WHAMM: variants seen among roughly 807,000 people sequenced by gnomAD.
The protein encoded by WHAMM is WASP homolog associated with actin, golgi membranes and microtubules, also known as WASP homolog-associated protein with actin, membranes and microtubules.
A neutral mutation model predicts 76.5 loss-of-function variants in WHAMM; 67 were observed. That is an observed-to-expected ratio of 0.88 (90% CI 0.72 to 1.07). WHAMM has a LOEUF of 1.07. Ranked by LOEUF, WHAMM falls within the 50% of genes least tolerant of loss-of-function variation. WHAMM has a pLI of 0.00. For synonymous variants in WHAMM, 419 were observed against 422.1 expected (o/e 0.99, Z 0.09); for missense variants, 1,021 against 1,051.1 (o/e 0.97, Z 0.40).
Position 82,813,227 on chromosome 15 carries a change from C to T in WHAMM, c.734C>T (p.Pro245Leu), listed in dbSNP as rs2050659596. Residue 245 changes from proline to leucine, a missense_variant, in exon 2 of 10, where the codon CCA (proline) becomes CTA (leucine). Physicochemically the swap from Pro to Leu is moderately conservative, Grantham distance 98 (BLOSUM62 -3). Around this residue, in one of 3 missense-constraint regions of WHAMM, gnomAD observed 501 missense variants for 524.9 expected, o/e 0.95. Transcript: ENST00000286760. ...ATGTTCTTCCAGTACTTATTGCAGCCATTTAGGGCTATGCGAGAAGTTGCA... is the reference window on the plus strand; with the variant it reads ...ATGTTCTTCCAGTACTTATTGCAGCTATTTAGGGCTATGCGAGAAGTTGCA... ...ATMFFQYLLQ[P>L]FRAMREVATL... 1 of 1,601,552 alleles carries T rather than the reference C, an allele frequency of 6.2e-7. No individual in the cohort carries two copies. Among genetic ancestry groups the T allele is most frequent in the Non-Finnish European group, 8.5e-7 (1 of 1,175,862 alleles).
Position 82,821,587 on chromosome 15 carries a change from G to T in WHAMM, c.1271-1513G>T, listed in dbSNP as rs111966748. 1.2e-3 allele frequency among the ~76,000 whole-genome samples: 187 copies of T among 152,276 alleles called. 2 individuals are homozygous for T. The highest frequency in any genetic ancestry group is 1.2e-3 in the Non-Finnish European group (80 of 68,026). On this transcript the variant is annotated intron_variant, in intron 5 of 9. Coordinates refer to ENST00000286760, the MANE Select transcript of WHAMM (RefSeq NM_001080435.3). ...CATTGGTTTGTGAGTGGCTTCTGCT[G>T]CTGGCTCCATACCGTTCCCATGACT...
intron 5 of WHAMM, among the ~76,000 whole-genome samples, chr15:82,822,586 C>T (rs1036724776): frequency 5.3e-5 from 8 of 152,126 alleles, no homozygotes; most frequent in Non-Finnish European, 8.8e-5. Context: ...TATAGGCATG[C>T]GCCACTGTGC....
At chr15:82,819,612 T>C (rs938810465) in intron 5 of WHAMM, 124 bp downstream of exon 5, 1 of 497,130 alleles carries the variant, frequency 2.0e-6, no homozygotes, top group African/African-American at 2.1e-5. Context: ...CCTTCAGTGG[T>C]TTATTATTCA....
Position 82,834,357 on chromosome 15 carries a change from C to T in WHAMM, c.*821C>T, listed in dbSNP as rs1198563417. On this transcript the variant is annotated 3_prime_UTR_variant, in exon 10 of 10. Coordinates refer to ENST00000286760, the MANE Select transcript of WHAMM (RefSeq NM_001080435.3). ...GGCTGATGCTGGAGCTTTTATGTGA[C>T]ATGGTGACTCTTAAAACTGGGGAGG... is the stretch of plus-strand genomic sequence containing the variant. The T allele has an allele frequency of 6.6e-6, 1 of 152,344 alleles. No homozygotes were observed. Among genetic ancestry groups the T allele is most frequent in the Non-Finnish European group, 1.5e-5 (1 of 68,148 alleles). 9.4% of individuals were successfully genotyped at this position (152,344 alleles called of 1,614,324 possible). A position where few individuals can be genotyped will look rare whatever the true frequency, so the allele number is the denominator to read the frequency against.
chr15:82,817,480 T>G, intron 3 of WHAMM, among the ~76,000 whole-genome samples: 1 of 152,214 alleles, frequency 6.6e-6, no homozygotes, highest in Non-Finnish European at 1.5e-5. Flanking sequence ...TTATGGTACC[T>G]TCATAAAACA....
At chr15:82,828,125 A>T (rs995963774) in intron 8 of WHAMM, among the ~76,000 whole-genome samples, 1 of 152,194 alleles carries the variant, frequency 6.6e-6, no homozygotes, top group African/African-American at 2.4e-5. Flanking sequence ...TGCCTTCTGT[A>T]TACCAGGCAC....
chr15:82,830,860 G>T lies in WHAMM; in HGVS notation c.1903G>T (p.Glu635Ter), dbSNP rs373866868. Reference protein sequence around the residue: ...GDQTHSKSSEELSLPPPPPPP... With the variant: ...GDQTHSKSSE The stretch of plus-strand genomic sequence containing the variant: ...TCAAACACATTCCAAATCCAGTGAG[G>T]AATTGTCACTGCCACCACCTCCTCC... Residue 635 changes from glutamate to a stop codon, truncating the protein, a stop_gained, in exon 9 of 10, where the codon GAA becomes TAA. Transcript: ENST00000286760. LOFTEE classifies it high-confidence loss of function. The T allele has an allele frequency of 1.6e-4, 250 of 1,584,988 alleles. No homozygotes were observed. The highest frequency in any genetic ancestry group is 2.1e-4 in the Non-Finnish European group (249 of 1,165,086).
chr15:82,814,287 A>G (rs1476482089), intron 2 of WHAMM, among the ~76,000 whole-genome samples: 1 of 152,204 alleles, frequency 6.6e-6, no homozygotes, highest in Non-Finnish European at 1.5e-5. Context: ...GCACCGGGCC[A>G]TCTTTCCACA....
chr15:82,820,329 A>G (rs2050798150), intron 5 of WHAMM, among the ~76,000 whole-genome samples: 1 of 152,204 alleles, frequency 6.6e-6, no homozygotes, highest in African/African-American at 2.4e-5. Flanking sequence ...ATAGTATTCC[A>G]TTATATGGAT....
intron 8 of WHAMM, among the ~76,000 whole-genome samples, chr15:82,828,583 T>C (rs1721170969): frequency 6.6e-6 from 1 of 152,202 alleles, no homozygotes; most frequent in Admixed American, 6.5e-5. Flanking sequence ...AACCAGCCCA[T>C]CTCCTCAGGC....
chr15:82,826,321 C>T lies in WHAMM; in HGVS notation c.1459-89C>T, dbSNP rs1469387950. The stretch of plus-strand genomic sequence containing the variant: ...TATTAATGAATGCCTTACACTATAG[C>T]CCAAATGCAGTGCTTTTTTCTTTTA... On this transcript the variant is annotated intron_variant, in intron 6 of 9. Transcript: ENST00000286760. 3.6e-6 allele frequency: 5 copies of T among 1,387,762 alleles called. No homozygotes were observed. In the African/African-American group the frequency reaches 7.1e-5, roughly 20 times the overall value. 86.0% of individuals were successfully genotyped at this position (1,387,762 alleles called of 1,614,324 possible).
chr15:82,812,900 T>C (rs1016386314), intron 1 of WHAMM, among the ~76,000 whole-genome samples: 7 of 152,230 alleles, frequency 4.6e-5, no homozygotes, highest in African/African-American at 1.7e-4. Context: ...TATTCTTACA[T>C]GGATATATCA....
Position 82,833,268 on chromosome 15 carries a change from G to A in WHAMM, c.2162G>A (p.Arg721Lys). Residue 721 changes from arginine (R) to lysine (K), a missense_variant, in exon 10 of 10, where the codon AGA becomes AAA. By Grantham distance (26) the Arg-to-Lys change is conservative. This residue lies in a region of WHAMM where 509 missense variants were observed against 492.3 expected (regional missense o/e 1.03). Transcript: ENST00000286760. Reference protein sequence around the residue: ...DEVLASLRHGRAPLRKVEVPA... With the variant: ...DEVLASLRHGKAPLRKVEVPA... ...GTGTTGGCCTCCTTAAGGCATGGCA[G>A]AGCTCCTCTCCGGAAGGTGGAAGTG... is the stretch of plus-strand genomic sequence containing the variant. The A allele has an allele frequency of 6.2e-7, 1 of 1,613,964 alleles. No homozygotes were observed.
In WHAMM at chr15:82,826,473, C is replaced by T. The variant is rs777210128; in HGVS notation, c.1522C>T (p.Arg508Cys). 1.7e-5 allele frequency: 27 copies of T among 1,613,784 alleles called. No individual in the cohort carries two copies. Among genetic ancestry groups the T allele is most frequent in the African/African-American group, 5.3e-5 (4 of 74,928 alleles). ...GGCTGAAGAAAGCATAAGATACTCT[C>T]GTCAGCATCACAGTATTCAGATGGT... ...QQAEESIRYS[R>C]QHHSIQMKRD... Residue 508 changes from arginine (R) to cysteine (C), a missense_variant, in exon 7 of 10, where the codon CGT (arginine) becomes TGT (cysteine). Physicochemically the swap from Arg to Cys is radical, Grantham distance 180 (BLOSUM62 -3). This residue lies in a region of WHAMM where 509 missense variants were observed against 492.3 expected (regional missense o/e 1.03). Coordinates refer to ENST00000286760, the MANE Select transcript of WHAMM (RefSeq NM_001080435.3).
chr15:82,818,439 G>A (rs144672959), intron 4 of WHAMM, among the ~76,000 whole-genome samples: 1,600 of 152,108 alleles, frequency 0.011, 7 homozygotes, highest in Non-Finnish European at 0.016. Flanking sequence ...TCTTTTCTTC[G>A]CTTATTCCAA....
intron 5 of WHAMM, 150 bp from the exon 6 acceptor site, chr15:82,822,950 A>G (rs1029226871): frequency 8.8e-6 from 5 of 565,540 alleles, no homozygotes; most frequent in Non-Finnish European, 1.4e-5. Context: ...GTGCATGTAT[A>G]TTACATATAC....
At position 82,833,719 on chromosome 15, in the gene WHAMM, TCA is replaced by T; in HGVS notation, c.*185_*186del. 1 of 653,172 alleles carries T rather than the reference TCA, an allele frequency of 1.5e-6. No homozygotes were observed. The allele number at this position is 653,172 out of a possible 1,614,324, so 40.5% of individuals were successfully genotyped here. A position where few individuals can be genotyped will look rare whatever the true frequency, so the allele number is the denominator to read the frequency against. The stretch of plus-strand genomic sequence containing the variant: ...TTTTTTTCTTTTTTGAGATGGAGTC[TCA>T]CTCTGTCGCCCAGGCTGGGGTGCAG... On this transcript the variant is annotated 3_prime_UTR_variant, in exon 10 of 10. Coordinates refer to ENST00000286760, the MANE Select transcript of WHAMM (RefSeq NM_001080435.3).
chr15:82,830,936 G>A lies in WHAMM; in HGVS notation c.1979G>A (p.Arg660His), dbSNP rs201723993. 1,082 of 810,520 alleles carry A rather than the reference G, an allele frequency of 1.3e-3. No individual in the cohort carries two copies. Among genetic ancestry groups the A allele is most frequent in the Non-Finnish European group, 1.8e-3 (1,010 of 553,134 alleles). The allele number at this position is 810,520 out of a possible 1,614,324, so 50.2% of individuals were successfully genotyped here. A position where few individuals can be genotyped will look rare whatever the true frequency, so the allele number is the denominator to read the frequency against. The change falls in exon 9 of 10, where the codon CGT becomes CAT. Residue 660 changes from arginine (R) to histidine (H), a missense_variant. Physicochemically the swap from Arg to His is conservative, Grantham distance 29. Coordinates refer to ENST00000286760, the MANE Select transcript of WHAMM (RefSeq NM_001080435.3). ...PPPPPPPPPLRALSSSSQAAT... is the reference protein window; with the variant it reads ...PPPPPPPPPLHALSSSSQAAT... ...CCGCCGCCCCCACCCCCTCCTCTCCGTGCTCTGTCCTCATCCTCTCAAGCT... is the reference window on the plus strand; with the variant it reads ...CCGCCGCCCCCACCCCCTCCTCTCCATGCTCTGTCCTCATCCTCTCAAGCT...
chr15:82,821,607 A>AT (rs2050829671), intron 5 of WHAMM, among the ~76,000 whole-genome samples: 1 of 152,148 alleles, frequency 6.6e-6, no homozygotes, highest in Non-Finnish European at 1.5e-5. Context: ...TACCGTTCCC[A>AT]TGACTGTACC....
Sources: gnomAD v4.1 joint callset for allele counts (sites outside exome capture counted in the v4.1 genomes callset) on GRCh38, gnomAD v4.1.1 for gene constraint, gnomAD v4.1.1 regional missense constraint, MANE v1.5 for transcripts, NCBI Gene and HGNC (gene_info 2026-07-23, HGNC 2026-07-21) for gene names.